PKHD1: variants seen among roughly 807,000 people sequenced by gnomAD.
The protein encoded by PKHD1 is PKHD1 ciliary IPT domain containing fibrocystin/polyductin.
Under a neutral mutation model 412.0 loss-of-function variants are expected in PKHD1, and 291 were observed. The observed-to-expected ratio is 0.71, with a 90% confidence interval of 0.64 to 0.78. The LOEUF (loss-of-function observed/expected upper bound fraction) is 0.78. Among genes scored for constraint, PKHD1 ranks in the 30% least tolerant of loss-of-function variants. The pLI, the probability that PKHD1 is intolerant of heterozygous loss-of-function variation, is 0.00. For synonymous variants in PKHD1, 1,777 were observed against 1,821.5 expected, an observed-to-expected ratio of 0.98 and a Z score of 0.62; for missense variants, 4,825 against 4,950.7, an observed-to-expected ratio of 0.97 and a Z score of 0.76.
intron 60 of PKHD1, among the ~76,000 whole-genome samples, chr6:51,725,177 C>T (rs974544339): frequency 3.3e-5 from 5 of 152,152 alleles, no homozygotes; most frequent in East Asian, 3.8e-4. Flanking sequence ...GAAGGACCCT[C>T]GCCCCAGGCT....
At chr6:51,799,226 T>C (rs570942828) in intron 52 of PKHD1, among the ~76,000 whole-genome samples, 1 of 152,262 alleles carries the variant, frequency 6.6e-6, no homozygotes, top group Admixed American at 6.5e-5. Flanking sequence ...TAAGGAAAAG[T>C]ATAGAATGAA....
chr6:51,851,247 C>A lies in PKHD1; in HGVS notation c.7912-3277G>T, dbSNP rs572894149. Among the ~76,000 whole-genome samples, 3 of 152,048 alleles carry A rather than the reference C, an allele frequency of 2.0e-5. No individual in the cohort carries two copies. In the East Asian group the frequency reaches 5.8e-4, roughly 29 times the overall value. ...CAGCCTTGCATCCCAGGGATGAAGC[C>A]GACTTGATAATGGTGGATAAGTTTT... On this transcript the variant is annotated intron_variant, in intron 49 of 66. Coordinates refer to ENST00000371117, the MANE Select transcript of PKHD1 (RefSeq NM_138694.4).
intron 52 of PKHD1, among the ~76,000 whole-genome samples, chr6:51,805,948 T>C (rs1763694353): frequency 6.6e-6 from 1 of 152,108 alleles, no homozygotes; most frequent in African/African-American, 2.4e-5. Flanking sequence ...ACAATAAACA[T>C]ACGTGTGCAT....
At chr6:51,645,736 T>G (rs764958970) in intron 63 of PKHD1, among the ~76,000 whole-genome samples, 2 of 152,210 alleles carry the variant, frequency 1.3e-5, no homozygotes, top group Non-Finnish European at 2.9e-5. Flanking sequence ...ACAAAGAATT[T>G]ATAAATTATT....
At chr6:51,729,964 C>A (rs1273148672) in intron 60 of PKHD1, among the ~76,000 whole-genome samples, 1 of 152,172 alleles carries the variant, frequency 6.6e-6, no homozygotes, top group Non-Finnish European at 1.5e-5. Flanking sequence ...CAGCTGGACT[C>A]AGTGCAAGAA....
chr6:51,676,310 T>A (rs1775849967), intron 60 of PKHD1, among the ~76,000 whole-genome samples: 2 of 149,766 alleles, frequency 1.3e-5, no homozygotes, highest in Non-Finnish European at 3.0e-5. Flanking sequence ...AAGAAAAAAA[T>A]TTAAATAAAT....
At chr6:51,851,368 T>G (rs1772208227) in intron 49 of PKHD1, among the ~76,000 whole-genome samples, 1 of 152,208 alleles carries the variant, frequency 6.6e-6, no homozygotes, top group African/African-American at 2.4e-5. Flanking sequence ...CTTTTTTCAT[T>G]GTGTCTCTTC....
chr6:51,762,101 C>T (rs1409542), intron 55 of PKHD1, among the ~76,000 whole-genome samples: 48,617 of 151,968 alleles, frequency 0.32, 9,658 homozygotes, highest in East Asian at 0.69. Flanking sequence ...ACCCAAAAAA[C>T]TGCCATAGCA....
intron 51 of PKHD1, among the ~76,000 whole-genome samples, chr6:51,835,239 T>C (rs11753112): frequency 0.097 from 14,748 of 152,178 alleles, 810 homozygotes; most frequent in East Asian, 0.15. Context: ...GAACCAAGAA[T>C]GGCCATTCAT....
intron 40 of PKHD1, among the ~76,000 whole-genome samples, chr6:51,907,061 G>T (rs1209893934): frequency 1.3e-5 from 2 of 151,998 alleles, no homozygotes; most frequent in African/African-American, 2.4e-5. Flanking sequence ...GCATTGTGCT[G>T]GAAACATAAA....
chr6:51,922,522 G>A (rs1397488774), intron 37 of PKHD1, among the ~76,000 whole-genome samples: 2 of 152,226 alleles, frequency 1.3e-5, no homozygotes, highest in African/African-American at 2.4e-5. Context: ...GCTGCCTTTT[G>A]TTCAGCTATG....
At chr6:51,927,406 T>G (rs1338746548) in intron 37 of PKHD1, among the ~76,000 whole-genome samples, 2 of 152,130 alleles carry the variant, frequency 1.3e-5, no homozygotes, top group African/African-American at 4.8e-5. Context: ...AGAAAGCTAA[T>G]CTAACTCTGC....
chr6:51,698,025 C>T (rs888025520), intron 60 of PKHD1, among the ~76,000 whole-genome samples: 7 of 152,228 alleles, frequency 4.6e-5, no homozygotes, highest in Middle Eastern at 6.8e-3. Context: ...CCTTTCTTAA[C>T]GAATCAAGTC....
intron 60 of PKHD1, among the ~76,000 whole-genome samples, chr6:51,684,364 T>C (rs1002448496): frequency 2.0e-5 from 3 of 152,104 alleles, no homozygotes; most frequent in African/African-American, 7.2e-5. Flanking sequence ...TATTTGTTAA[T>C]TGGAGTAACT....
At chr6:51,852,108 T>C (rs1772381726) in intron 49 of PKHD1, among the ~76,000 whole-genome samples, 1 of 152,204 alleles carries the variant, frequency 6.6e-6, no homozygotes, top group Admixed American at 6.5e-5. Flanking sequence ...CATTTTCTCT[T>C]TGTTCTGATT....
intron 66 of PKHD1, among the ~76,000 whole-genome samples, chr6:51,624,215 C>G (rs368481711): frequency 6.6e-6 from 1 of 152,156 alleles, no homozygotes; most frequent in African/African-American, 2.4e-5. Flanking sequence ...ACCACCATAC[C>G]AGGCTCTTCA....
Position 51,748,206 on chromosome 6 carries a change from C to T in PKHD1, c.9410G>A (p.Gly3137Glu), listed in dbSNP as rs1395382368. 2 of 1,614,054 alleles carry T rather than the reference C, an allele frequency of 1.2e-6. No homozygotes were observed. The highest frequency in any genetic ancestry group is 4.5e-5 in the East Asian group (2 of 44,874). ...LHGLHLYKES[G>E]LDNCTRISGF... is the part of the protein sequence containing the mutation. ...AGAGATTCTGGTACAGTTGTCAAGTCCACTTTCCTTATAGAGATGAAGGCC... is the reference window on the plus strand; with the variant it reads ...AGAGATTCTGGTACAGTTGTCAAGTTCACTTTCCTTATAGAGATGAAGGCC... The change falls in exon 58 of 67, where the codon GGA (glycine) becomes GAA (glutamate). Residue 3137 changes from glycine to glutamate, a missense_variant. By Grantham distance (98) the Gly-to-Glu change is moderately conservative. Coordinates refer to ENST00000371117, the MANE Select transcript of PKHD1 (RefSeq NM_138694.4).
intron 60 of PKHD1, among the ~76,000 whole-genome samples, chr6:51,717,407 T>G (rs1332576056): frequency 7.1e-6 from 1 of 139,870 alleles, no homozygotes; most frequent in Non-Finnish European, 1.5e-5. Context: ...AGCAAAACTC[T>G]GTCTCAAAAA....
At chr6:51,972,817 A>G (rs1793866158) in intron 35 of PKHD1, among the ~76,000 whole-genome samples, 1 of 152,236 alleles carries the variant, frequency 6.6e-6, no homozygotes, top group South Asian at 2.1e-4. Context: ...GACTTGAGCA[A>G]CATTAGAGGT....
Sources: gnomAD v4.1 joint callset for allele counts (sites outside exome capture counted in the v4.1 genomes callset) on GRCh38, gnomAD v4.1.1 for gene constraint, MANE v1.5 for transcripts, NCBI Gene and HGNC (gene_info 2026-07-23, HGNC 2026-07-21) for gene names.